The following MXRA7 variants were observed in gnomAD, a reference collection of about 807,000 sequenced individuals.
MXRA7 encodes the protein matrix remodeling associated 7, also known as matrix-remodeling-associated protein 7.
In MXRA7, 18 loss-of-function variants were observed where a neutral mutation model predicts 17.4. The ratio of observed to expected loss-of-function variants is 1.03; its 90% confidence interval spans 0.71 to 1.53. The LOEUF (loss-of-function observed/expected upper bound fraction) is 1.53, where lower values mean the gene tolerates loss of function less well. Ranked by LOEUF, MXRA7 falls within the 40% of genes most tolerant of loss-of-function variation. The pLI is 0.00. For synonymous variants in MXRA7, 70 were observed against 101.7 expected (o/e 0.69, Z 1.87); for missense variants, 141 against 209.3 (o/e 0.67, Z 2.01).
At chr17:76,700,831 CA>C (rs752457752) in intron 1 of MXRA7, among the ~76,000 whole-genome samples, 3 of 152,128 alleles carry the variant, frequency 2.0e-5, no homozygotes, top group Non-Finnish European at 4.4e-5. Context: ...GGGCGGGCGG[CA>C]GGCGGGGGAC....
chr17:76,700,987 T>G (rs1598357428), intron 1 of MXRA7, among the ~76,000 whole-genome samples: 2 of 151,494 alleles, frequency 1.3e-5, no homozygotes, highest in African/African-American at 4.8e-5. Context: ...AAGGAGTCTG[T>G]GGCTGTGGGG....
chr17:76,708,891 G>A (rs1317905399), intron 1 of MXRA7, among the ~76,000 whole-genome samples: 6 of 152,144 alleles, frequency 3.9e-5, no homozygotes, highest in Non-Finnish European at 8.8e-5. Context: ...CATCCTCACT[G>A]GCACCTATGT....
intron 1 of MXRA7, among the ~76,000 whole-genome samples, chr17:76,701,095 G>T (rs1598357551): frequency 6.6e-6 from 1 of 152,206 alleles, no homozygotes; most frequent in Non-Finnish European, 1.5e-5. Context: ...GGGCCGGGGG[G>T]TGTGCTCTCT....
chr17:76,706,944 G>A (rs2076668922), intron 1 of MXRA7, among the ~76,000 whole-genome samples: 1 of 152,124 alleles, frequency 6.6e-6, no homozygotes, highest in Non-Finnish European at 1.5e-5. Context: ...CACACTGTGT[G>A]TGTGTGTGCA....
Position 76,680,306 on chromosome 17 carries a change from T to TAATC in MXRA7, c.*557_*560dup, listed in dbSNP as rs1454846311. ...CTGGTACTGGTTCTTTGCTGCCCTG[T>TAATC]AATCAATATGGCATCTCACCCCCGA... On this transcript the variant is annotated 3_prime_UTR_variant, in exon 4 of 4. Transcript: ENST00000449428. 1.0e-6 allele frequency: 1 copy of TAATC among 985,190 alleles called. No individual in the cohort carries two copies. The highest frequency in any genetic ancestry group is 1.2e-6 in the Non-Finnish European group (1 of 829,934). 61.0% of individuals were successfully genotyped at this position (985,190 alleles called of 1,614,324 possible). A position where few individuals can be genotyped will look rare whatever the true frequency, so the allele number is the denominator to read the frequency against.
In MXRA7 at chr17:76,685,108, T is replaced by A. The variant is rs144263669; in HGVS notation, c.464A>T (p.Lys155Met). ...CTCCAGCTCCTCTTTGGTCATCATC[T>A]TCTTGTACTGGTTTCCCCTCAGCTT... ...PGKLRGNQYK[K>M]MMTKEELEEE... Residue 155 changes from lysine to methionine, a missense_variant, in exon 3 of 4, where the codon AAG becomes ATG. Physicochemically the swap from Lys to Met is moderately conservative, Grantham distance 95 (BLOSUM62 -1). This residue lies in a region of MXRA7 where 67 missense variants were observed against 80.3 expected (regional missense o/e 0.83). Transcript: ENST00000449428. 5.2e-4 allele frequency: 832 copies of A among 1,613,930 alleles called. 1 individual carries two copies. Among genetic ancestry groups the A allele is most frequent in the Non-Finnish European group, 6.8e-4 (798 of 1,179,982 alleles).
chr17:76,683,788 G>T, intron 3 of MXRA7: 1 of 1,304,608 alleles, frequency 7.7e-7, no homozygotes, highest in Non-Finnish European at 1.1e-6. Flanking sequence ...GTTGTTTGGG[G>T]GCACGTTAGC....
chr17:76,689,302 G>A (rs12943636), intron 1 of MXRA7: 109,623 of 152,050 alleles, frequency 0.72, 40,772 homozygotes, highest in Non-Finnish European at 0.82. Context: ...CATGTTGGCC[G>A]GGCTGGTCTC....
At chr17:76,704,598 A>T (rs2076634675) in intron 1 of MXRA7, among the ~76,000 whole-genome samples, 1 of 150,996 alleles carries the variant, frequency 6.6e-6, no homozygotes, top group Non-Finnish European at 1.5e-5. Flanking sequence ...CACCCTGGCC[A>T]ACATGGCGAA....
intron 3 of MXRA7, among the ~76,000 whole-genome samples, chr17:76,683,083 G>C (rs573515141): frequency 7.2e-5 from 11 of 152,230 alleles, no homozygotes; most frequent in African/African-American, 2.7e-4. Flanking sequence ...GGTCTTTCTT[G>C]TTCTAAGAGG....
chr17:76,685,157 A>C lies in MXRA7; in HGVS notation c.415T>G (p.Phe139Val), dbSNP rs1167432434. 6.2e-7 allele frequency: 1 copy of C among 1,613,510 alleles called. No homozygotes were observed. The highest frequency in any genetic ancestry group is 2.2e-5 in the East Asian group (1 of 44,836). ...TTCCCGGGGCTGTATTTGAAGGAGA[A>C]GCCTTCTCCTGTGGAGGGGGGACCC... ...EGPEEEDGEG[F>V]SFKYSPGKLR... Residue 139 changes from phenylalanine to valine, a missense_variant, in exon 3 of 4, where the codon TTC (phenylalanine) becomes GTC (valine). Phe to Val is a conservative substitution (Grantham distance 50). Transcript: ENST00000449428.
chr17:76,703,028 C>A (rs62085143), intron 1 of MXRA7, among the ~76,000 whole-genome samples: 8,203 of 151,176 alleles, frequency 0.054, 238 homozygotes, highest in East Asian at 0.079. Flanking sequence ...GGGAGGATGG[C>A]TTGAGCCCAG....
intron 1 of MXRA7, among the ~76,000 whole-genome samples, chr17:76,701,402 G>A (rs750205851): frequency 2.0e-5 from 3 of 152,016 alleles, no homozygotes; most frequent in Non-Finnish European, 2.9e-5. Context: ...GGGTGGAGGG[G>A]CAGCAGAAAT....
chr17:76,677,523 C>T, downstream of MXRA7: 1 of 1,152,136 alleles, frequency 8.7e-7, no homozygotes, highest in South Asian at 1.2e-5. Flanking sequence ...CTGGAAAGAA[C>T]AAGGGCATGG....
In MXRA7 at chr17:76,684,964, ACCT is replaced by A. The variant is rs912603562; in HGVS notation, c.500+105_500+107del. The A allele has an allele frequency of 1.2e-4, 102 of 876,422 alleles. No individual in the cohort carries two copies. The African/African-American group carries it at 1.5e-3, about 13-fold the overall frequency. The allele number at this position is 876,422 out of a possible 1,614,324, so 54.3% of individuals were successfully genotyped here. On this transcript the variant is annotated intron_variant, in intron 3 of 3. Transcript: ENST00000449428. The stretch of plus-strand genomic sequence containing the variant: ...GTTGGGCAGAGCGTGTAGGAGCCCC[ACCT>A]CCTTTCTGGGCCCTTCTGCCAAGGG...
chr17:76,695,730 A>G (rs997578735), intron 1 of MXRA7, among the ~76,000 whole-genome samples: 1 of 152,110 alleles, frequency 6.6e-6, no homozygotes, highest in Non-Finnish European at 1.5e-5. Context: ...GAGGCACGGA[A>G]CACCTCGGCT....
In MXRA7 at chr17:76,702,504, A is replaced by C. The variant is rs150902807; in HGVS notation, c.342+8101T>G. Reference sequence around the variant, plus strand: ...GCCTGGTTCTCTAAATAAATAAGTAAATAAATAAATAAAAGAAGAAGAAGA... The same window carrying C: ...GCCTGGTTCTCTAAATAAATAAGTACATAAATAAATAAAAGAAGAAGAAGA... On this transcript the variant is annotated intron_variant, in intron 1 of 3. Transcript: ENST00000449428. Among the ~76,000 whole-genome samples, 187 of 149,830 alleles carry C rather than the reference A, an allele frequency of 1.2e-3. 1 individual carries two copies. The highest frequency in any genetic ancestry group is 4.4e-3 in the African/African-American group (175 of 39,892).
intron 3 of MXRA7, chr17:76,684,725 C>T: frequency 2.4e-6 from 1 of 424,502 alleles, no homozygotes; most frequent in Non-Finnish European, 4.5e-6. Flanking sequence ...GTGTGAGTGA[C>T]AGCCAGGTCT....
At chr17:76,690,535 C>A (rs923693718) in intron 1 of MXRA7, among the ~76,000 whole-genome samples, 1 of 151,986 alleles carries the variant, frequency 6.6e-6, no homozygotes. Context: ...ATAGTGCACA[C>A]CTCGCCTCTA....
Sources: allele counts gnomAD v4.1 joint callset (sites outside exome capture counted in the v4.1 genomes callset), GRCh38; gene constraint gnomAD v4.1.1; regional missense constraint gnomAD v4.1.1; transcripts MANE v1.5; gene names NCBI Gene and HGNC (gene_info 2026-07-23, HGNC 2026-07-21).